Variants in CA4 observed in about 807,000 individuals in gnomAD.
The protein encoded by CA4 is carbonic anhydrase 4, also known as CA-IV.
CA4 carries 24 observed loss-of-function variants against 34.5 expected under a neutral mutation model. That is an observed-to-expected ratio of 0.70 (90% CI 0.50 to 0.98). CA4 has a LOEUF of 0.98. CA4 is among the 50% of genes least tolerant of loss of function. The pLI is 0.00. For synonymous variants in CA4, 178 were observed against 170.6 expected (o/e 1.04, Z -0.34); for missense variants, 394 against 396.7 (o/e 0.99, Z 0.06).
chr17:60,153,089 G>A (rs1473438150), intron 1 of CA4, among the ~76,000 whole-genome samples: 1 of 152,174 alleles, frequency 6.6e-6, no homozygotes, highest in Non-Finnish European at 1.5e-5. Context: ...TGTAATCCCA[G>A]CACTTTGGGA....
chr17:60,176,361 G>A, the CA4 span, among the ~76,000 whole-genome samples: 4 of 151,852 alleles, frequency 2.6e-5, no homozygotes, highest in Non-Finnish European at 4.4e-5. Context: ...AATTTTATAG[G>A]TGAACAAATA....
chr17:60,159,225 C>T lies in CA4; in HGVS notation c.745-5C>T, dbSNP rs549334435. ...CCGACCTGCTGAGCCCCATCACTTC[C>T]GCAGATCCTGGCATTCTCTCAGAAG... On this transcript the variant is annotated splice_polypyrimidine_tract_variant and splice_region_variant and intron_variant, in intron 7 of 7. Coordinates refer to ENST00000300900, the MANE Select transcript of CA4 (RefSeq NM_000717.5). The T allele has an allele frequency of 3.6e-5, 57 of 1,594,504 alleles. No homozygotes were observed. In the East Asian group the frequency reaches 6.9e-4, roughly 19 times the overall value.
At chr17:60,163,975 A>T (rs1426071481), downstream of CA4, among the ~76,000 whole-genome samples, 3 of 151,180 alleles carry the variant, frequency 2.0e-5, no homozygotes, top group African/African-American at 4.9e-5. Flanking sequence ...TACGAGGGGG[A>T]AAAAAAGAAG....
downstream of CA4, among the ~76,000 whole-genome samples, chr17:60,160,592 C>T (rs1399577165): frequency 3.9e-5 from 6 of 152,032 alleles, no homozygotes; most frequent in Admixed American, 6.6e-5. Flanking sequence ...GGCGAAACAC[C>T]GTCTTTACTA....
downstream of CA4, among the ~76,000 whole-genome samples, chr17:60,163,567 T>C (rs1272567815): frequency 6.6e-6 from 1 of 152,164 alleles, no homozygotes; most frequent in African/African-American, 2.4e-5. Context: ...AGCCGCTCTG[T>C]TTGTTTATCT....
chr17:60,159,164 T>C, intron 7 of CA4, 66 bp from the exon 8 acceptor site: 1 of 1,414,128 alleles, frequency 7.1e-7, no homozygotes, highest in Non-Finnish European at 9.8e-7. Context: ...GGTGCCTGCC[T>C]GAGGTCACAC....
intron 6 of CA4, 60 bp from the exon 7 acceptor site, chr17:60,158,223 C>T: frequency 6.2e-7 from 1 of 1,605,532 alleles, no homozygotes; most frequent in Non-Finnish European, 8.5e-7. Context: ...TCTCAGAGTG[C>T]AGGGGAAGAG....
At chr17:60,157,823 G>A (rs751312568) in intron 5 of CA4, 35 bp downstream of exon 5, 38 of 1,581,558 alleles carry the variant, frequency 2.4e-5, no homozygotes, top group Admixed American at 1.8e-4. Context: ...CGGGGAACCC[G>A]GGGCTGAGAG....
chr17:60,158,261 G>A (rs528920785), intron 6 of CA4, 22 bp from the exon 7 acceptor site: 2 of 1,613,892 alleles, frequency 1.2e-6, no homozygotes, highest in South Asian at 2.2e-5. Context: ...CTCACTGACA[G>A]TGTCCTCTGC....
chr17:60,157,053 G>T (rs531374984), intron 3 of CA4: 8 of 516,700 alleles, frequency 1.5e-5, no homozygotes, highest in South Asian at 4.1e-5. Flanking sequence ...CAGAGCCCAA[G>T]CAAGGCCCAG....
chr17:60,175,706 T>A (rs1039670987), downstream of CA4, among the ~76,000 whole-genome samples: 6 of 148,522 alleles, frequency 4.0e-5, no homozygotes, highest in African/African-American at 1.5e-4. Flanking sequence ...AAAAACAGAC[T>A]GGCACTTAAA....
At chr17:60,172,792 C>T (rs570132089), downstream of CA4, among the ~76,000 whole-genome samples, 12 of 151,392 alleles carry the variant, frequency 7.9e-5, no homozygotes, top group African/African-American at 2.4e-4. Flanking sequence ...TTCAGTGAGC[C>T]GAGATAGTGC....
At chr17:60,154,911 G>C (rs1217848519) in intron 1 of CA4, among the ~76,000 whole-genome samples, 4 of 152,200 alleles carry the variant, frequency 2.6e-5, no homozygotes, top group African/African-American at 9.6e-5. Flanking sequence ...AGGAGCGGAG[G>C]CTGGGCCAAG....
At chr17:60,176,782 G>A in the CA4 span, among the ~76,000 whole-genome samples, 8 of 152,228 alleles carry the variant, frequency 5.3e-5, no homozygotes, top group East Asian at 1.4e-3. Context: ...ATTTTTCCAC[G>A]GACTGGGGGA....
At chr17:60,151,907 AC>A (rs1208725303) in intron 1 of CA4, among the ~76,000 whole-genome samples, 1 of 151,916 alleles carries the variant, frequency 6.6e-6, no homozygotes. Context: ...AGAGCCCCAG[AC>A]CCCTGGCCGG....
intron 7 of CA4, chr17:60,158,895 G>T (rs1190074710): frequency 4.5e-6 from 2 of 439,874 alleles, no homozygotes; most frequent in Non-Finnish European, 8.4e-6. Context: ...CCAGGCATCT[G>T]GGGCCCAACA....
In CA4 at chr17:60,155,543, A is replaced by T. The variant is rs200829764; in HGVS notation, c.112+176A>T. Among the ~76,000 whole-genome samples the T allele has an allele frequency of 2.2e-3, 295 of 132,852 alleles. 1 individual carries two copies. The highest frequency in any genetic ancestry group is 7.8e-3 in the African/African-American group (276 of 35,234). The allele number at this position is 132,852 out of a possible 152,430, so 87.2% of individuals were successfully genotyped here. A position where few individuals can be genotyped will look rare whatever the true frequency, so the allele number is the denominator to read the frequency against. ...CACACACTCTCTCTCTCTCTCTCAC[A>T]CACACACACACACAGATATACAAAC... On this transcript the variant is annotated intron_variant, in intron 2 of 7. Transcript: ENST00000300900.
At chr17:60,156,372 G>C (rs1427340648) in intron 2 of CA4, among the ~76,000 whole-genome samples, 188 bp from the exon 3 acceptor site, 2 of 152,190 alleles carry the variant, frequency 1.3e-5, no homozygotes, top group African/African-American at 4.8e-5. Flanking sequence ...TGTGGAGGAG[G>C]AGGAGGAGGG....
chr17:60,168,247 G>T (rs915153773), intron 5 of CA4, among the ~76,000 whole-genome samples: 1 of 126,012 alleles, frequency 7.9e-6, no homozygotes, highest in African/African-American at 3.0e-5. Flanking sequence ...TTTTTTCGGG[G>T]GGGAGGAGGA....
Sources: gnomAD v4.1 joint callset for allele counts (sites outside exome capture counted in the v4.1 genomes callset) on GRCh38, gnomAD v4.1.1 for gene constraint, MANE v1.5 for transcripts, NCBI Gene and HGNC (gene_info 2026-07-23, HGNC 2026-07-21) for gene names.